Variants in SCTR observed in about 807,000 individuals in gnomAD.
SCTR encodes pancreatic secretin receptor.
Under a neutral mutation model 60.8 loss-of-function variants are expected in SCTR, and 56 were observed. The ratio of observed to expected loss-of-function variants is 0.92; its 90% CI spans 0.74 to 1.15. The LOEUF is 1.15. Ranked by LOEUF, SCTR falls within the 50% of genes most tolerant of loss-of-function variation. The probability of loss-of-function intolerance (pLI) is 0.00; values close to 1 mark genes in which losing one functional copy is unlikely to be tolerated. For missense variants in SCTR, 562 were observed against 550.4 expected, an observed-to-expected ratio of 1.02 and a Z score of -0.21; for synonymous variants, 202 against 217.0, an observed-to-expected ratio of 0.93 and a Z score of 0.61.
At chr2:119,445,220 T>A (rs985941387) in intron 11 of SCTR, among the ~76,000 whole-genome samples, 3 of 151,950 alleles carry the variant, frequency 2.0e-5, no homozygotes, top group African/African-American at 7.3e-5. Flanking sequence ...CTGAGCCAGG[T>A]CAAGTCCTTC....
At chr2:119,469,779 C>T (rs1676918646) in intron 4 of SCTR, among the ~76,000 whole-genome samples, 1 of 152,178 alleles carries the variant, frequency 6.6e-6, no homozygotes, top group African/African-American at 2.4e-5. Flanking sequence ...AGGCATGAGC[C>T]ACCACACCCA....
chr2:119,504,451 C>T (rs1453937382), intron 1 of SCTR, among the ~76,000 whole-genome samples: 1 of 151,834 alleles, frequency 6.6e-6, no homozygotes, highest in Non-Finnish European at 1.5e-5. Flanking sequence ...ATTAGCTGGG[C>T]GTGGTGGCGC....
chr2:119,478,320 G>A (rs1169796687), intron 3 of SCTR, among the ~76,000 whole-genome samples: 3 of 152,180 alleles, frequency 2.0e-5, no homozygotes, highest in Non-Finnish European at 4.4e-5. Context: ...TCTTAAATCC[G>A]CAGCTGTCTT....
chr2:119,452,927 G>A (rs766459311), intron 8 of SCTR, among the ~76,000 whole-genome samples: 48 of 152,126 alleles, frequency 3.2e-4, no homozygotes, highest in Admixed American at 5.9e-4. Flanking sequence ...CAGGGGTAGA[G>A]AGGCATCCAG....
rs1164591256 is a variant in SCTR at position 119,450,591 on chromosome 2, AAAGAAG to A, written c.921+1413_921+1418del. ...TTGAAAAAGAAAAGTATGTCTGCTC[AAAGAAG>A]AAGGAGGAAGGAAAACACATGGTCA... On this transcript the variant is annotated intron_variant, in intron 9 of 12. Transcript: ENST00000019103. Among the ~76,000 whole-genome samples, 20 of 152,350 alleles carry A rather than the reference AAAGAAG, an allele frequency of 1.3e-4. 1 individual carries two copies. In the East Asian group the frequency reaches 3.7e-3, roughly 28 times the overall value.
Position 119,478,872 on chromosome 2 carries a change from C to T in SCTR, c.240G>A (p.Val80=), listed in dbSNP as rs759578311. ...WDNISCWPSS[V]PGRMVEVECP... ...ATTCCACCTCCACCATCCGGCCCGG[C>T]ACAGAAGAGGGCCAGCAGCTTATGT... The change falls in exon 3 of 13, where the codon GTG becomes GTA. Residue 80 remains valine (V), a synonymous_variant. Transcript: ENST00000019103. 2 of 1,614,192 alleles carry T rather than the reference C, an allele frequency of 1.2e-6. No individual in the cohort carries two copies. The highest frequency in any genetic ancestry group is 8.5e-7 in the Non-Finnish European group (1 of 1,180,030).
intron 4 of SCTR, among the ~76,000 whole-genome samples, chr2:119,472,006 T>C (rs964682481): frequency 7.9e-5 from 12 of 152,224 alleles, no homozygotes; most frequent in African/African-American, 2.9e-4. Context: ...GGGCACCTCA[T>C]AGGTGCCAAG....
chr2:119,482,953 C>G (rs967136694), intron 2 of SCTR, among the ~76,000 whole-genome samples: 1 of 152,228 alleles, frequency 6.6e-6, no homozygotes, highest in Non-Finnish European at 1.5e-5. Context: ...GTCAGCCTCT[C>G]TTGCATTGGA....
chr2:119,444,492 C>T (rs1254484688), intron 11 of SCTR, among the ~76,000 whole-genome samples: 3 of 96,882 alleles, frequency 3.1e-5, no homozygotes, highest in African/African-American at 1.6e-4. Context: ...TATATATACA[C>T]ATATATACGT....
At chr2:119,462,962 T>A (rs995894735) in intron 6 of SCTR, among the ~76,000 whole-genome samples, 4 of 152,188 alleles carry the variant, frequency 2.6e-5, no homozygotes, top group Non-Finnish European at 4.4e-5. Context: ...GGCTAGGATT[T>A]AAGGCTCCTG....
intron 5 of SCTR, among the ~76,000 whole-genome samples, chr2:119,464,596 TTAA>T (rs749169787): frequency 5.9e-5 from 9 of 152,310 alleles, no homozygotes; most frequent in Admixed American, 2.6e-4. Flanking sequence ...GTTTTTGTTT[TTAA>T]TTAGCTGGGC....
At chr2:119,518,394 C>T (rs1374649993) in intron 1 of SCTR, among the ~76,000 whole-genome samples, 1 of 152,048 alleles carries the variant, frequency 6.6e-6, no homozygotes, top group Non-Finnish European at 1.5e-5. Context: ...GACACGTGGC[C>T]ATCAGGAGCA....
chr2:119,442,069 A>C (rs1189640756), intron 11 of SCTR, among the ~76,000 whole-genome samples: 1 of 152,266 alleles, frequency 6.6e-6, no homozygotes, highest in Non-Finnish European at 1.5e-5. Flanking sequence ...ATGTGTAGGC[A>C]GAACAAACTA....
intron 1 of SCTR, among the ~76,000 whole-genome samples, chr2:119,516,258 C>A (rs977942371): frequency 6.6e-6 from 1 of 152,174 alleles, no homozygotes; most frequent in African/African-American, 2.4e-5. Context: ...CGTAGAGGTA[C>A]CTGTGCCCCC....
intron 1 of SCTR, 48 bp downstream of exon 1, chr2:119,524,107 A>T (rs567353906): frequency 6.8e-7 from 1 of 1,465,502 alleles, no homozygotes; most frequent in East Asian, 2.5e-5. Context: ...AAAGGGCGAG[A>T]CTGTCGCTCC....
intron 7 of SCTR, 44 bp from the exon 8 acceptor site, chr2:119,453,391 A>T: frequency 4.2e-6 from 6 of 1,431,832 alleles, no homozygotes; most frequent in Non-Finnish European, 5.9e-6. Flanking sequence ...GAGAGGACTC[A>T]ATTTTCAACA....
chr2:119,475,081 C>T (rs1048314155), intron 3 of SCTR, among the ~76,000 whole-genome samples: 6 of 152,180 alleles, frequency 3.9e-5, no homozygotes, highest in African/African-American at 7.2e-5. Flanking sequence ...AGGCACAGAG[C>T]GGGCACCGAG....
Position 119,485,473 on chromosome 2 carries a change from T to G in SCTR, c.194-6555A>C, listed in dbSNP as rs59711066. ...CAGTGCCTGGGAGTTTGCCCTGCAT[T>G]CACCTGGCATGGAGCCTCTATCCTC... On this transcript the variant is annotated intron_variant, in intron 2 of 12. Coordinates refer to ENST00000019103, the MANE Select transcript of SCTR (RefSeq NM_002980.3). 3.5e-3 allele frequency among the ~76,000 whole-genome samples: 527 copies of G among 152,296 alleles called. 4 individuals carry two copies. Among genetic ancestry groups the G allele is most frequent in the African/African-American group, 0.012 (510 of 41,566 alleles).
At chr2:119,448,296 TC>T (rs1683009146) in intron 10 of SCTR, among the ~76,000 whole-genome samples, 1 of 152,198 alleles carries the variant, frequency 6.6e-6, no homozygotes, top group African/African-American at 2.4e-5. Context: ...ATTTGAAAGG[TC>T]TTAAGTGTTT....
Sources: gnomAD v4.1 joint callset for allele counts (sites outside exome capture counted in the v4.1 genomes callset) on GRCh38, gnomAD v4.1.1 for gene constraint, MANE v1.5 for transcripts, NCBI Gene and HGNC (gene_info 2026-07-23, HGNC 2026-07-21) for gene names.